FKBP9: variants seen among roughly 807,000 people sequenced by gnomAD.
The protein encoded by FKBP9 is FKBP prolyl isomerase 9.
FKBP9 carries 27 observed loss-of-function variants against 55.6 expected under a neutral mutation model. The observed-to-expected ratio is 0.49, with a 90% confidence interval of 0.36 to 0.67. The LOEUF (loss-of-function observed/expected upper bound fraction) is 0.67, where lower values mean the gene tolerates loss of function less well. Among genes scored for constraint, FKBP9 ranks in the 30% least tolerant of loss-of-function variants. The pLI is 0.00. For missense variants in FKBP9, 539 were observed against 742.8 expected (o/e 0.73, Z 3.19); for synonymous variants, 267 against 296.5 (o/e 0.90, Z 1.02).
At chr7:32,975,453 G>A in intron 3 of FKBP9, 82 bp downstream of exon 3, 1 of 1,110,266 alleles carries the variant, frequency 9.0e-7, no homozygotes, top group Non-Finnish European at 1.3e-6. Context: ...TTTTTATGCT[G>A]ATGGGGATAC....
In FKBP9 at chr7:32,988,572, A is replaced by C; in HGVS notation, c.959A>C (p.Glu320Ala). 6.2e-7 allele frequency: 1 copy of C among 1,613,848 alleles called. No individual in the cohort carries two copies. Among genetic ancestry groups the C allele is most frequent in the Non-Finnish European group, 8.5e-7 (1 of 1,179,818 alleles). Residue 320 changes from glutamate (E) to alanine (A), a missense_variant, in exon 6 of 10, where the codon GAA (glutamate) becomes GCA (alanine). By Grantham distance (107) the Glu-to-Ala change is moderately radical. This residue lies in a region of FKBP9 where 172 missense variants were observed against 205.3 expected (regional missense o/e 0.84). Coordinates refer to ENST00000242209, the MANE Select transcript of FKBP9 (RefSeq NM_007270.5). Reference sequence around the variant, plus strand: ...GGCTACGTGATTCCTGGGATGGATGAAGGTCTACTTGGTGTTTGCATTGGA... The same window carrying C: ...GGCTACGTGATTCCTGGGATGGATGCAGGTCTACTTGGTGTTTGCATTGGA... Reference protein sequence around the residue: ...GQGYVIPGMDEGLLGVCIGEK... With the variant: ...GQGYVIPGMDAGLLGVCIGEK...
intron 1 of FKBP9, among the ~76,000 whole-genome samples, chr7:32,960,108 C>CTTTTTT (rs398004304): frequency 4.3e-4 from 42 of 98,586 alleles, no homozygotes; most frequent in East Asian, 6.0e-4. Flanking sequence ...TTGTACTTGT[C>CTTTTTT]TTTTTTTTTT....
At chr7:32,965,826 T>TATATATATGGGTACAC (rs1554284319) in intron 1 of FKBP9, among the ~76,000 whole-genome samples, 1 of 33,296 alleles carries the variant, frequency 3.0e-5, no homozygotes, top group Non-Finnish European at 5.7e-5. Flanking sequence ...TATATATATA[T>TATATATATGGGTACAC]ATATATATAT....
At chr7:33,000,452 A>G (rs540259776) in intron 8 of FKBP9, among the ~76,000 whole-genome samples, 192 bp downstream of exon 8, 2 of 152,244 alleles carry the variant, frequency 1.3e-5, no homozygotes, top group East Asian at 3.9e-4. Flanking sequence ...GAGCCACGTC[A>G]ATGCTCCATT....
intron 1 of FKBP9, among the ~76,000 whole-genome samples, chr7:32,970,295 C>G (rs1784227416): frequency 6.6e-6 from 1 of 152,058 alleles, no homozygotes; most frequent in African/African-American, 2.4e-5. Context: ...CTCCCAAGTT[C>G]AAGCGATTCT....
chr7:32,979,522 G>A, intron 4 of FKBP9: 2 of 1,550,550 alleles, frequency 1.3e-6, no homozygotes, highest in Non-Finnish European at 1.7e-6. Flanking sequence ...AGGAGCTCAG[G>A]CTTGGCGGCA....
intron 6 of FKBP9, among the ~76,000 whole-genome samples, chr7:32,995,550 G>A (rs1419630194): frequency 1.3e-5 from 2 of 152,132 alleles, no homozygotes; most frequent in Non-Finnish European, 2.9e-5. Flanking sequence ...TCAGATGTGA[G>A]CTACTGTCTT....
chr7:33,002,904 G>C, intron 9 of FKBP9, 65 bp downstream of exon 9: 1 of 1,552,128 alleles, frequency 6.4e-7, no homozygotes, highest in Non-Finnish European at 8.8e-7. Context: ...AAGGCCGTGG[G>C]GCCGGTTCTG....
intron 9 of FKBP9, among the ~76,000 whole-genome samples, chr7:33,004,019 G>A (rs1380888520): frequency 2.6e-5 from 4 of 152,048 alleles, no homozygotes; most frequent in South Asian, 2.1e-4. Context: ...AGCCTTTCCC[G>A]TCGCAGTCAG....
intron 1 of FKBP9, among the ~76,000 whole-genome samples, chr7:32,961,634 C>T (rs1196294143): frequency 3.9e-5 from 6 of 152,098 alleles, no homozygotes; most frequent in African/African-American, 7.2e-5. Context: ...GCTGCACAGC[C>T]GGAGGTGAGC....
At chr7:32,966,459 C>T (rs1431417472) in intron 1 of FKBP9, among the ~76,000 whole-genome samples, 1 of 152,070 alleles carries the variant, frequency 6.6e-6, no homozygotes, top group Non-Finnish European at 1.5e-5. Context: ...AGGTGGTTTC[C>T]ATTTGCCTTT....
intron 6 of FKBP9, among the ~76,000 whole-genome samples, chr7:32,993,698 G>A (rs371856114): frequency 4.6e-5 from 7 of 152,064 alleles, no homozygotes; most frequent in Admixed American, 6.6e-5. Flanking sequence ...GGTGGTACGC[G>A]TCTGTAATCT....
chr7:32,980,118 A>T (rs1784446419), intron 4 of FKBP9, among the ~76,000 whole-genome samples: 1 of 152,068 alleles, frequency 6.6e-6, no homozygotes, highest in African/African-American at 2.4e-5. Flanking sequence ...GAGTCCAGAA[A>T]ATATGGTCAT....
intron 4 of FKBP9, among the ~76,000 whole-genome samples, chr7:32,979,166 A>G (rs1784417562): frequency 6.6e-6 from 1 of 152,076 alleles, no homozygotes; most frequent in African/African-American, 2.4e-5. Context: ...CTACTCGGGA[A>G]GCTGAGGCAG....
chr7:32,958,567 G>A (rs1256432673), intron 1 of FKBP9, among the ~76,000 whole-genome samples: 1 of 152,180 alleles, frequency 6.6e-6, no homozygotes, highest in African/African-American at 2.4e-5. Context: ...AGAACGAGGC[G>A]GGAGGATCGC....
chr7:32,977,864 C>T (rs1191600322), intron 4 of FKBP9, among the ~76,000 whole-genome samples: 1 of 113,752 alleles, frequency 8.8e-6, no homozygotes, highest in Non-Finnish European at 1.8e-5. Context: ...TATATATATA[C>T]ATGCCCATAT....
chr7:32,969,899 A>C (rs1212698073), intron 1 of FKBP9, among the ~76,000 whole-genome samples: 2 of 152,036 alleles, frequency 1.3e-5, no homozygotes, highest in Non-Finnish European at 2.9e-5. Context: ...GCTACTCAGG[A>C]GGCCGAGGCA....
chr7:32,979,508 T>A, intron 4 of FKBP9: 1 of 1,550,448 alleles, frequency 6.4e-7, no homozygotes, highest in Non-Finnish European at 8.7e-7. Flanking sequence ...CAAAGGCCAG[T>A]GGAAGGAGCT....
At chr7:32,963,212 A>G (rs1371344090) in intron 1 of FKBP9, among the ~76,000 whole-genome samples, 1 of 151,982 alleles carries the variant, frequency 6.6e-6, no homozygotes, top group Non-Finnish European at 1.5e-5. Flanking sequence ...TGAGTAGTGC[A>G]TGCTCAAGGA....
Sources: gnomAD v4.1 joint callset for allele counts (sites outside exome capture counted in the v4.1 genomes callset) on GRCh38, gnomAD v4.1.1 for gene constraint, gnomAD v4.1.1 regional missense constraint, MANE v1.5 for transcripts, NCBI Gene and HGNC (gene_info 2026-07-23, HGNC 2026-07-21) for gene names.